PHF2: variants seen among roughly 807,000 people sequenced by gnomAD.
The protein encoded by PHF2 is lysine-specific demethylase PHF2.
In PHF2, 27 loss-of-function variants were observed where a neutral mutation model predicts 120.5. The ratio of observed to expected loss-of-function variants is 0.22; its 90% CI spans 0.17 to 0.31. The LOEUF (loss-of-function observed/expected upper bound fraction) is 0.31. Among genes scored for constraint, PHF2 ranks in the 10% least tolerant of loss-of-function variants. PHF2 has a pLI of 1.00. For synonymous variants in PHF2, 568 were observed against 592.5 expected (o/e 0.96, Z 0.60); for missense variants, 1,024 against 1,434.8 (o/e 0.71, Z 4.63).
chr9:93,664,712 G>C lies in PHF2; in HGVS notation c.1938-974G>C, dbSNP rs556608645. On this transcript the variant is annotated intron_variant, in intron 14 of 21. Coordinates refer to ENST00000359246, the MANE Select transcript of PHF2 (RefSeq NM_005392.4). ...CTTCATGGCCCTGGGCGTGTCACTTGCTTTATCTGAAGCTCTGCTTCTAGG... is the reference window on the plus strand; with the variant it reads ...CTTCATGGCCCTGGGCGTGTCACTTCCTTTATCTGAAGCTCTGCTTCTAGG... Among the ~76,000 whole-genome samples, 102 of 152,338 alleles carry C rather than the reference G, an allele frequency of 6.7e-4. 1 individual carries two copies. The highest frequency in any genetic ancestry group is 6.8e-3 in the Middle Eastern group (2 of 294).
intron 11 of PHF2, 74 bp downstream of exon 11, chr9:93,659,674 G>T: frequency 1.5e-6 from 2 of 1,370,960 alleles, no homozygotes; most frequent in Non-Finnish European, 1.0e-6. Flanking sequence ...TCTGGGTCCA[G>T]GGGCCAGCCT....
In PHF2 at chr9:93,676,605, A is replaced by G; in HGVS notation, c.2844A>G (p.Lys948=). ...TGTTTTGTTCAAAGGAGGAGCAGAA[A>G]AGCAAGAAAAAAAAGAGTGCCAAGA... ...AAKLSQQEEQ[K]SKKKKSAKRK... The change falls in exon 21 of 22, where the codon AAA becomes AAG. Residue 948 remains lysine (K), a synonymous_variant. Transcript: ENST00000359246. 1 of 1,597,728 alleles carries G rather than the reference A, an allele frequency of 6.3e-7. No homozygotes were observed. The highest frequency in any genetic ancestry group is 1.1e-5 in the South Asian group (1 of 89,690).
intron 1 of PHF2, among the ~76,000 whole-genome samples, chr9:93,621,376 G>A (rs1825823494): frequency 6.6e-6 from 1 of 152,220 alleles, no homozygotes; most frequent in Non-Finnish European, 1.5e-5. Context: ...GTCTCTTGGG[G>A]TCTCCTGCAC....
At chr9:93,641,963 A>G (rs1410289799) in intron 3 of PHF2, among the ~76,000 whole-genome samples, 1 of 152,194 alleles carries the variant, frequency 6.6e-6, no homozygotes, top group Non-Finnish European at 1.5e-5. Context: ...TTTGTATACT[A>G]TCTGAGGTAG....
At position 93,673,732 on chromosome 9, in the gene PHF2, G is replaced by T; in HGVS notation, c.2496G>T (p.Lys832Asn). ...GSSLAAHGAR[K>N]NGGGSGKSAG... Reference sequence around the variant, plus strand: ...CGCTGGCTGCCCATGGTGCCCGGAAGAATGGGGGTGGCAGTGGCAAGAGTG... The same window carrying T: ...CGCTGGCTGCCCATGGTGCCCGGAATAATGGGGGTGGCAGTGGCAAGAGTG... The change falls in exon 18 of 22, where the codon AAG becomes AAT. Residue 832 changes from lysine to asparagine, a missense_variant. Physicochemically the swap from Lys to Asn is moderately conservative, Grantham distance 94. This residue lies in a region of PHF2 where 677 missense variants were observed against 857.4 expected (regional missense o/e 0.79). Coordinates refer to ENST00000359246, the MANE Select transcript of PHF2 (RefSeq NM_005392.4). The T allele has an allele frequency of 6.2e-6, 10 of 1,613,382 alleles. No homozygotes were observed. Among genetic ancestry groups the T allele is most frequent in the Non-Finnish European group, 7.6e-6 (9 of 1,179,768 alleles).
Position 93,662,834 on chromosome 9 carries a change from G to T in PHF2, c.1699-73G>T, listed in dbSNP as rs924007591. The T allele has an allele frequency of 4.4e-6, 7 of 1,573,328 alleles. No individual in the cohort carries two copies. The Admixed American group carries it at 6.9e-5, about 15-fold the overall frequency. The stretch of plus-strand genomic sequence containing the variant: ...AAGCACATGGGCCAGAAGAAGACAG[G>T]GAATCTGTGGCTCAAGAGAGTTCCA... On this transcript the variant is annotated intron_variant, in intron 12 of 21. Coordinates refer to ENST00000359246, the MANE Select transcript of PHF2 (RefSeq NM_005392.4).
intron 1 of PHF2, among the ~76,000 whole-genome samples, chr9:93,620,601 G>C (rs1235412056): frequency 6.6e-6 from 1 of 152,192 alleles, no homozygotes; most frequent in African/African-American, 2.4e-5. Flanking sequence ...CATTAGTGAG[G>C]GGTTGAGGTT....
At chr9:93,606,079 G>A (rs1307876048) in intron 1 of PHF2, among the ~76,000 whole-genome samples, 2 of 151,982 alleles carry the variant, frequency 1.3e-5, no homozygotes, top group Non-Finnish European at 2.9e-5. Context: ...GGTCAAGCCA[G>A]CGTCCCACCC....
chr9:93,600,538 C>G (rs1316189508), intron 1 of PHF2, among the ~76,000 whole-genome samples: 3 of 152,240 alleles, frequency 2.0e-5, no homozygotes, highest in African/African-American at 7.2e-5. Flanking sequence ...TTCAGATCTG[C>G]TCAGCCACCT....
At chr9:93,631,341 C>G (rs980674379) in intron 2 of PHF2, among the ~76,000 whole-genome samples, 3 of 152,180 alleles carry the variant, frequency 2.0e-5, no homozygotes, top group African/African-American at 7.2e-5. Flanking sequence ...AGCACAGCCT[C>G]AACAAATATG....
rs1587723557 is a variant in PHF2, at chr9:93,673,806, A to G, written c.2570A>G (p.Asp857Gly). Residue 857 changes from aspartate (D) to glycine (G), a missense_variant, in exon 18 of 22, where the codon GAC becomes GGC. Asp to Gly is a moderately conservative substitution (Grantham distance 94). Around this residue, in one of 2 missense-constraint regions of PHF2, gnomAD observed 677 missense variants for 857.4 expected, o/e 0.79. Coordinates refer to ENST00000359246, the MANE Select transcript of PHF2 (RefSeq NM_005392.4). ...KRAAKNSVDL[D>G]DYEEEQDHLD... ...GCTGCCAAGAACAGTGTCGACCTGG[A>G]CGACTACGAGGAAGAGCAGGACCAC... 2 of 1,611,492 alleles carry G rather than the reference A, an allele frequency of 1.2e-6. No individual in the cohort carries two copies. Among genetic ancestry groups the G allele is most frequent in the African/African-American group, 2.7e-5 (2 of 74,866 alleles).
intron 1 of PHF2, among the ~76,000 whole-genome samples, chr9:93,611,817 G>C (rs895185574): frequency 6.6e-6 from 1 of 152,152 alleles, no homozygotes; most frequent in African/African-American, 2.4e-5. Flanking sequence ...GCCTCACCAG[G>C]ATTAAAAATA....
chr9:93,597,356 G>T (rs1181704135), intron 1 of PHF2, among the ~76,000 whole-genome samples: 6 of 152,296 alleles, frequency 3.9e-5, no homozygotes, highest in Admixed American at 6.5e-5. Flanking sequence ...ACACCCTTTA[G>T]CTCTGAGAAG....
At chr9:93,599,876 T>C (rs1055734922) in intron 1 of PHF2, among the ~76,000 whole-genome samples, 8 of 152,256 alleles carry the variant, frequency 5.3e-5, no homozygotes, top group African/African-American at 9.6e-5. Context: ...TGGTTTTGTT[T>C]GCTGAGTCTG....
In PHF2 at chr9:93,660,420, A is replaced by G. The variant is rs1826543189; in HGVS notation, c.1558A>G (p.Thr520Ala). ...CCCTAAGCCCCCAAGGCCCCCCAAA[A>G]CGCTGAAGCTCAAAGATGGAGGCAA... The part of the protein sequence containing the change: ...KPPKPPRPPK[T>A]LKLKDGGKKK... Residue 520 changes from threonine to alanine, a missense_variant, in exon 12 of 22, where the codon ACG becomes GCG. Around this residue, in one of 2 missense-constraint regions of PHF2, gnomAD observed 677 missense variants for 857.4 expected, o/e 0.79. Coordinates refer to ENST00000359246, the MANE Select transcript of PHF2 (RefSeq NM_005392.4). The G allele has an allele frequency of 1.3e-6, 2 of 1,546,418 alleles. No individual in the cohort carries two copies. The highest frequency in any genetic ancestry group is 1.7e-6 in the Non-Finnish European group (2 of 1,145,658).
chr9:93,630,085 T>G, intron 2 of PHF2, 30 bp downstream of exon 2: 26 of 1,599,948 alleles, frequency 1.6e-5, no homozygotes, highest in Middle Eastern at 2.2e-4. Flanking sequence ...CGGCCATCTC[T>G]TGCGGAAGAG....
At chr9:93,665,573 C>T (rs1192492885) in intron 14 of PHF2, 113 bp from the exon 15 acceptor site, 1 of 1,144,690 alleles carries the variant, frequency 8.7e-7, no homozygotes, top group Non-Finnish European at 1.2e-6. Flanking sequence ...ACGTCACCTG[C>T]CTCCTGGAGG....
chr9:93,658,075 A>G (rs1826491493), intron 9 of PHF2, 70 bp from the exon 10 acceptor site: 4 of 1,050,606 alleles, frequency 3.8e-6, no homozygotes, highest in East Asian at 5.0e-5. Context: ...CGGTCTGGCT[A>G]TGTGGCTGGG....
At chr9:93,646,870 T>C (rs1404886595) in intron 4 of PHF2, among the ~76,000 whole-genome samples, 1 of 151,960 alleles carries the variant, frequency 6.6e-6, no homozygotes, top group African/African-American at 2.4e-5. Flanking sequence ...TCCCGGGACC[T>C]GGGGTGAGGG....
Sources: gnomAD v4.1 joint callset for allele counts (sites outside exome capture counted in the v4.1 genomes callset) on GRCh38, gnomAD v4.1.1 for gene constraint, gnomAD v4.1.1 regional missense constraint, MANE v1.5 for transcripts, NCBI Gene and HGNC (gene_info 2026-07-23, HGNC 2026-07-21) for gene names.